WDFY3: variants seen among roughly 807,000 people sequenced by gnomAD.
WDFY3 encodes WD repeat and FYVE domain-containing protein 3.
Under a neutral mutation model 409.6 loss-of-function variants are expected in WDFY3, and 66 were observed. The ratio of observed to expected loss-of-function variants is 0.16; its 90% CI spans 0.13 to 0.20. WDFY3 has a LOEUF of 0.20. Ranked by LOEUF, WDFY3 falls within the 10% of genes least tolerant of loss-of-function variation. The pLI is 1.00. For synonymous variants in WDFY3, 1,521 were observed against 1,537.1 expected, an observed-to-expected ratio of 0.99 and a Z score of 0.25; for missense variants, 3,031 against 4,298.1, an observed-to-expected ratio of 0.71 and a Z score of 8.24.
chr4:84,879,935 T>C (rs568633421), intron 3 of WDFY3, among the ~76,000 whole-genome samples: 2 of 152,250 alleles, frequency 1.3e-5, no homozygotes, highest in South Asian at 4.1e-4. Flanking sequence ...GAGTTAACGT[T>C]TGTGTGAGGC....
intron 2 of WDFY3, among the ~76,000 whole-genome samples, chr4:84,899,657 A>G (rs1766090342): frequency 6.6e-6 from 1 of 152,176 alleles, no homozygotes; most frequent in Non-Finnish European, 1.5e-5. Context: ...CTACAACAGC[A>G]GAGTACCCAC....
chr4:84,707,968 G>C (rs1302803691), intron 53 of WDFY3, among the ~76,000 whole-genome samples: 1 of 152,100 alleles, frequency 6.6e-6, no homozygotes, highest in African/African-American at 2.4e-5. Context: ...TTTCTGAAAG[G>C]ATAAGCAGTC....
In WDFY3 at chr4:84,790,531, C is replaced by A. The variant is rs933745496; in HGVS notation, c.3488-624G>T. 2.0e-5 allele frequency among the ~76,000 whole-genome samples: 3 copies of A among 151,780 alleles called. No homozygotes were observed. The East Asian group carries it at 5.8e-4, about 29-fold the overall frequency. ...AAGTTAGCTAATGAAGTAAAAAATA[C>A]ATAAAAATAAAGAGACAATAACGTT... On this transcript the variant is annotated intron_variant, in intron 21 of 67. Transcript: ENST00000295888.
At chr4:84,686,655 G>A (rs28707538) in intron 62 of WDFY3, among the ~76,000 whole-genome samples, 2,742 of 152,240 alleles carry the variant, frequency 0.018, 93 homozygotes, top group African/African-American at 0.063. Context: ...CCTGTGGTAG[G>A]GGTGAGGGTA....
chr4:84,810,234 G>A lies in WDFY3; in HGVS notation c.1998C>T (p.Ser666=), dbSNP rs1752259057. The part of the protein sequence containing the change: ...SLLVAMERSL[S]CPPKNGWEKV... ...TCTCCCAGCCATTCTTGGGTGGACA[G>A]CTCAAAGATCTTTCCATAGCAACGA... The change falls in exon 14 of 68, where the codon AGC becomes AGT. Residue 666 remains serine (S), a synonymous_variant. Transcript: ENST00000295888. 1 of 1,613,986 alleles carries A rather than the reference G, an allele frequency of 6.2e-7. No individual in the cohort carries two copies. Among genetic ancestry groups the A allele is most frequent in the Non-Finnish European group, 8.5e-7 (1 of 1,180,000 alleles).
At chr4:84,962,052 T>A (rs1774987459) in intron 1 of WDFY3, among the ~76,000 whole-genome samples, 1 of 152,156 alleles carries the variant, frequency 6.6e-6, no homozygotes, top group African/African-American at 2.4e-5. Flanking sequence ...TAGAAACAAC[T>A]CAAATGTCCA....
At chr4:84,959,560 G>A (rs1160538674) in intron 1 of WDFY3, among the ~76,000 whole-genome samples, 1 of 152,178 alleles carries the variant, frequency 6.6e-6, no homozygotes, top group Non-Finnish European at 1.5e-5. Flanking sequence ...AATGTGAGAC[G>A]TGAGGAAGAC....
rs767619868 is a variant in WDFY3 at position 84,714,108 on chromosome 4, T to C, written c.7962-869A>G. ...TCCAGCCTGGTGACAGAGCAAGACT[T>C]TGTCTAAAAAAAAAAAAAATCATTA... On this transcript the variant is annotated intron_variant, in intron 50 of 67. Coordinates refer to ENST00000295888, the MANE Select transcript of WDFY3 (RefSeq NM_014991.6). Among the ~76,000 whole-genome samples, 62 of 146,518 alleles carry C rather than the reference T, an allele frequency of 4.2e-4. 1 individual carries two copies. In the Middle Eastern group the frequency reaches 0.014, roughly 33 times the overall value.
chr4:84,684,764 AT>A (rs1728008831), intron 62 of WDFY3, among the ~76,000 whole-genome samples: 1 of 152,222 alleles, frequency 6.6e-6, no homozygotes. Flanking sequence ...CTGATAACTT[AT>A]GTTTTTATGA....
chr4:84,811,573 C>T (rs533668311), intron 13 of WDFY3, among the ~76,000 whole-genome samples: 3 of 152,166 alleles, frequency 2.0e-5, no homozygotes, highest in Non-Finnish European at 4.4e-5. Flanking sequence ...TTAATCATGA[C>T]ATTATGCCCC....
chr4:84,716,104 G>A (rs917588100), intron 49 of WDFY3, among the ~76,000 whole-genome samples: 12 of 152,196 alleles, frequency 7.9e-5, no homozygotes, highest in South Asian at 2.1e-4. Flanking sequence ...GCATCCACAT[G>A]ACCTGAGTCT....
chr4:84,876,622 A>T (rs933723385), intron 3 of WDFY3, among the ~76,000 whole-genome samples: 3 of 152,110 alleles, frequency 2.0e-5, no homozygotes, highest in African/African-American at 4.8e-5. Context: ...CAATAAAGAG[A>T]ACCAAATCTT....
intron 2 of WDFY3, among the ~76,000 whole-genome samples, chr4:84,919,872 A>C (rs1376437607): frequency 6.6e-6 from 1 of 152,192 alleles, no homozygotes; most frequent in Non-Finnish European, 1.5e-5. Context: ...GTAACTATAT[A>C]GTGGAAAAAT....
intron 1 of WDFY3, among the ~76,000 whole-genome samples, chr4:84,946,063 T>C (rs1772785103): frequency 6.6e-6 from 1 of 152,146 alleles, no homozygotes; most frequent in Non-Finnish European, 1.5e-5. Flanking sequence ...GGCAGTGCCG[T>C]ACACAGTGTT....
chr4:84,803,642 G>C (rs969125468), intron 15 of WDFY3, among the ~76,000 whole-genome samples, 175 bp from the exon 16 acceptor site: 3 of 152,126 alleles, frequency 2.0e-5, no homozygotes, highest in African/African-American at 7.2e-5. Context: ...GTCCGCATGT[G>C]TGTGGGTGGG....
chr4:84,884,262 T>G (rs1763901475), intron 3 of WDFY3, among the ~76,000 whole-genome samples: 2 of 152,128 alleles, frequency 1.3e-5, no homozygotes, highest in Non-Finnish European at 1.5e-5. Flanking sequence ...TTTCAACTTG[T>G]TTTTTAAAGC....
At chr4:84,880,913 G>A (rs2150397716) in intron 3 of WDFY3, among the ~76,000 whole-genome samples, 1 of 150,690 alleles carries the variant, frequency 6.6e-6, no homozygotes, top group East Asian at 2.0e-4. Flanking sequence ...AGTAGAGAGG[G>A]GGTTTCGCCA....
At chr4:84,719,662 A>C (rs1237286856) in intron 47 of WDFY3, among the ~76,000 whole-genome samples, 2 of 152,224 alleles carry the variant, frequency 1.3e-5, no homozygotes, top group African/African-American at 2.4e-5. Context: ...ATATACATAC[A>C]TACATACATA....
intron 1 of WDFY3, among the ~76,000 whole-genome samples, chr4:84,954,941 G>A (rs1006439858): frequency 2.6e-5 from 4 of 152,104 alleles, no homozygotes; most frequent in South Asian, 2.1e-4. Context: ...ACAGTGGCTC[G>A]CTCCTGTAAT....
Sources: gnomAD v4.1 joint callset for allele counts (sites outside exome capture counted in the v4.1 genomes callset) on GRCh38, gnomAD v4.1.1 for gene constraint, MANE v1.5 for transcripts, NCBI Gene and HGNC (gene_info 2026-07-23, HGNC 2026-07-21) for gene names.